The following GNB3 variants were observed in gnomAD, a reference collection of about 807,000 sequenced individuals.
GNB3 encodes the protein G protein subunit beta 3, also known as guanine nucleotide-binding protein G(I)/G(S)/G(T) subunit beta-3.
GNB3 carries 33 observed loss-of-function variants against 41.2 expected under a neutral mutation model. The observed-to-expected ratio is 0.80, with a 90% confidence interval of 0.61 to 1.07. The LOEUF is 1.07. Ranked by LOEUF, GNB3 falls within the 50% of genes least tolerant of loss-of-function variation. GNB3 has a pLI of 0.00. For synonymous variants in GNB3, 172 were observed against 173.4 expected, an observed-to-expected ratio of 0.99 and a Z score of 0.06; for missense variants, 409 against 455.3, an observed-to-expected ratio of 0.90 and a Z score of 0.92.
chr12:6,844,451 C>T (rs914674682), intron 8 of GNB3, among the ~76,000 whole-genome samples: 2 of 149,666 alleles, frequency 1.3e-5, no homozygotes, highest in Admixed American at 6.6e-5. Flanking sequence ...GACAGAGTCT[C>T]ACACTGTTGC....
rs782540328 is a variant in GNB3 at position 6,843,409 on chromosome 12, A to G, written c.314A>G (p.Tyr105Cys). ...LRSSWVMTCA[Y>C]APSGNFVACG... Reference sequence around the variant, plus strand: ...TCCTCCTGGGTCATGACCTGTGCCTATGCCCCATCAGGGAACTTTGTGGCA... The same window carrying G: ...TCCTCCTGGGTCATGACCTGTGCCTGTGCCCCATCAGGGAACTTTGTGGCA... Residue 105 changes from tyrosine to cysteine, a missense_variant, in exon 6 of 10, where the codon TAT (tyrosine) becomes TGT (cysteine). By Grantham distance (194) the Tyr-to-Cys change is radical. Transcript: ENST00000229264. The surrounding 1 kb of genome is among the most constrained non-coding windows in gnomAD (Gnocchi z 5.9). 1.2e-6 allele frequency: 2 copies of G among 1,614,138 alleles called. No individual in the cohort carries two copies. Among genetic ancestry groups the G allele is most frequent in the Admixed American group, 3.3e-5 (2 of 60,026 alleles).
chr12:6,843,660 T>C lies in GNB3; in HGVS notation c.459T>C (p.Asp153=), dbSNP rs200864177. The change falls in exon 7 of 10, where the codon GAT becomes GAC. Residue 153 remains aspartate, a synonymous_variant. Transcript: ENST00000229264. This position sits in a 1 kb window ranked among gnomAD's most constrained non-coding sequence, Gnocchi z 5.9. Reference sequence around the variant, plus strand: ...ATCTCTCCTGCTGCCGCTTCCTGGATGACAACAATATTGTGACCAGCTCGG... The same window carrying C: ...ATCTCTCCTGCTGCCGCTTCCTGGACGACAACAATATTGTGACCAGCTCGG... ...TGYLSCCRFL[D]DNNIVTSSGD... 9.3e-6 allele frequency: 15 copies of C among 1,614,212 alleles called. No individual in the cohort carries two copies. The highest frequency in any genetic ancestry group is 3.3e-5 in the South Asian group (3 of 91,086).
chr12:6,845,877 C>T (rs1323588431), intron 9 of GNB3, 75 bp downstream of exon 9: 2 of 990,306 alleles, frequency 2.0e-6, no homozygotes, highest in African/African-American at 1.6e-5. Context: ...TTCTGTACCC[C>T]CCATCAGCTC....
chr12:6,846,657 A>G (rs1398406672), intron 9 of GNB3, 135 bp from the exon 10 acceptor site: 1 of 625,820 alleles, frequency 1.6e-6, no homozygotes, highest in Non-Finnish European at 2.9e-6. Context: ...ACATGCATAC[A>G]CATGCACACA....
chr12:6,844,443 CAG>C, intron 8 of GNB3, among the ~76,000 whole-genome samples: 1 of 151,800 alleles, frequency 6.6e-6, no homozygotes, highest in Admixed American at 6.6e-5. Context: ...TTTTTGGAGA[CAG>C]AGTCTCACAC....
At position 6,845,672 on chromosome 12, in the gene GNB3, C is replaced by T. The variant is rs1555124492; in HGVS notation, c.786C>T (p.Ile262=). Residue 262 remains isoleucine (I), a synonymous_variant, in exon 9 of 10, where the codon ATC becomes ATT. Coordinates refer to ENST00000229264, the MANE Select transcript of GNB3 (RefSeq NM_002075.4). ...LFDLRADQEL[I]CFSHESIICG... is the part of the protein sequence containing the mutation. ...ACCTGCGGGCAGACCAGGAGCTGAT[C>T]TGCTTCTCCCACGAGAGCATCATCT... is the stretch of plus-strand genomic sequence containing the variant. 11 of 1,614,116 alleles carry T rather than the reference C, an allele frequency of 6.8e-6. No homozygotes were observed. Among genetic ancestry groups the T allele is most frequent in the Non-Finnish European group, 8.5e-6 (10 of 1,180,006 alleles).
At position 6,841,247 on chromosome 12, in the gene GNB3, GT is replaced by G; in HGVS notation, c.-30-9del. 1.3e-6 allele frequency: 2 copies of G among 1,580,444 alleles called. No homozygotes were observed. Among genetic ancestry groups the G allele is most frequent in the Non-Finnish European group, 1.7e-6 (2 of 1,153,674 alleles). On this transcript the variant is annotated splice_polypyrimidine_tract_variant and intron_variant, in intron 1 of 9. Coordinates refer to ENST00000229264, the MANE Select transcript of GNB3 (RefSeq NM_002075.4). ...GGGGGTTCCTCAACACCGACCCCAT[GT>G]TCCTGGCAGGAGCCAGAGTGACCCC...
intron 8 of GNB3, 53 bp from the exon 9 acceptor site, chr12:6,845,533 G>T: frequency 7.9e-7 from 1 of 1,271,828 alleles, no homozygotes; most frequent in Non-Finnish European, 1.1e-6. Context: ...GGCGGGAGAG[G>T]CTGTGGGCTG....
At position 6,843,773 on chromosome 12, in the gene GNB3, G is replaced by A. The variant is rs1943623410; in HGVS notation, c.498-4G>A. ...TCTCTAACAGTCTCCCTCCATTTTG[G>A]CAGTGCCTTGTGGGACATTGAGACT... On this transcript the variant is annotated splice_polypyrimidine_tract_variant and splice_region_variant and intron_variant, in intron 7 of 9. Coordinates refer to ENST00000229264, the MANE Select transcript of GNB3 (RefSeq NM_002075.4). This position sits in a 1 kb window ranked among gnomAD's most constrained non-coding sequence, Gnocchi z 5.9. The A allele has an allele frequency of 1.2e-6, 2 of 1,613,876 alleles. No homozygotes were observed. The highest frequency in any genetic ancestry group is 1.3e-5 in the African/African-American group (1 of 75,048).
At chr12:6,841,058 T>C in intron 1 of GNB3, 25 bp downstream of exon 1, 1 of 584,722 alleles carries the variant, frequency 1.7e-6, no homozygotes. Flanking sequence ...GCCTGGGCTC[T>C]GCTCTCCTGG....
rs1353873586 is a variant in GNB3 at position 6,841,009 on chromosome 12, C to T, written c.-55C>T. On this transcript the variant is annotated 5_prime_UTR_variant, in exon 1 of 10. Coordinates refer to ENST00000229264, the MANE Select transcript of GNB3 (RefSeq NM_002075.4). ...CTCCCAGGAACCGGAGCTGGAAACCCGGCCGAGGTCCAGCCAGAGCCCAAG... is the reference window on the plus strand; with the variant it reads ...CTCCCAGGAACCGGAGCTGGAAACCTGGCCGAGGTCCAGCCAGAGCCCAAG... The T allele has an allele frequency of 1.2e-5, 6 of 504,716 alleles. No individual in the cohort carries two copies. The highest frequency in any genetic ancestry group is 7.3e-5 in the South Asian group (3 of 41,304). 31.3% of individuals were successfully genotyped at this position (504,716 alleles called of 1,614,324 possible).
intron 8 of GNB3, among the ~76,000 whole-genome samples, chr12:6,844,329 T>A (rs782253997): frequency 6.6e-6 from 1 of 152,038 alleles, no homozygotes; most frequent in East Asian, 1.9e-4. Flanking sequence ...CTTGAACTCT[T>A]GACCTGAGGT....
intron 8 of GNB3, chr12:6,845,308 G>A (rs1334628717): frequency 2.6e-5 from 11 of 418,256 alleles, no homozygotes; most frequent in African/African-American, 6.0e-5. Context: ...CCTTCTAGCC[G>A]GGTCACTGCA....
rs1555123936 is a variant in GNB3 at position 6,843,697 on chromosome 12, T to G, written c.496T>G (p.Cys166Gly). The G allele has an allele frequency of 6.2e-7, 1 of 1,614,000 alleles. No individual in the cohort carries two copies. Among genetic ancestry groups the G allele is most frequent in the Admixed American group, 1.7e-5 (1 of 60,022 alleles). The part of the protein sequence containing the change: ...NIVTSSGDTT[C>G]ALWDIETGQQ... ...TGTGACCAGCTCGGGGGACACCACG[T>G]GGTGAGGCTGAACATTGCTGGTGCT... The change falls in exon 7 of 10, where the codon TGT becomes GGT. Residue 166 changes from cysteine (C) to glycine (G), a missense_variant and splice_region_variant. Coordinates refer to ENST00000229264, the MANE Select transcript of GNB3 (RefSeq NM_002075.4). The surrounding 1 kb of genome is among the most constrained non-coding windows in gnomAD (Gnocchi z 5.9).
rs782093627 is a variant in GNB3, at chr12:6,841,756, T to C, written c.96+132T>C. On this transcript the variant is annotated intron_variant, in intron 3 of 9. Coordinates refer to ENST00000229264, the MANE Select transcript of GNB3 (RefSeq NM_002075.4). ...GTGAGGAAACCCATTAATTAATTCA[T>C]TCGACCAACATTTTAGCGGGACCTG... 273 of 740,284 alleles carry C rather than the reference T, an allele frequency of 3.7e-4. 1 individual carries two copies. The Admixed American group carries it at 5.4e-3, about 15-fold the overall frequency. The allele number at this position is 740,284 out of a possible 1,614,324, so 45.9% of individuals were successfully genotyped here.
chr12:6,846,057 A>G, intron 9 of GNB3: 1 of 494,472 alleles, frequency 2.0e-6, no homozygotes. Context: ...TCTGTGGACC[A>G]TGACTGTCCA....
chr12:6,841,796 C>T, intron 3 of GNB3, 172 bp downstream of exon 3: 1 of 710,464 alleles, frequency 1.4e-6, no homozygotes, highest in South Asian at 1.5e-5. Context: ...GAGCCAGGCA[C>T]CATATTGGAT....
In GNB3 at chr12:6,845,743, T is replaced by C; in HGVS notation, c.857T>C (p.Phe286Ser). 6.2e-7 allele frequency: 1 copy of C among 1,614,202 alleles called. No individual in the cohort carries two copies. Among genetic ancestry groups the C allele is most frequent in the Non-Finnish European group, 8.5e-7 (1 of 1,180,030 alleles). Residue 286 changes from phenylalanine (F) to serine (S), a missense_variant, in exon 9 of 10, where the codon TTC (phenylalanine) becomes TCC (serine). Physicochemically the swap from Phe to Ser is radical, Grantham distance 155 (BLOSUM62 -2). Coordinates refer to ENST00000229264, the MANE Select transcript of GNB3 (RefSeq NM_002075.4). ...VAFSLSGRLL[F>S]AGYDDFNCNV... is the part of the protein sequence containing the mutation. ...TTCTCCCTCAGTGGCCGCCTACTATTCGCTGGCTACGACGACTTCAACTGC... is the reference window on the plus strand; with the variant it reads ...TTCTCCCTCAGTGGCCGCCTACTATCCGCTGGCTACGACGACTTCAACTGC...
rs1188893047 is a variant in GNB3 at position 6,845,527 on chromosome 12, G to A, written c.700-59G>A. On this transcript the variant is annotated intron_variant, in intron 8 of 9. Coordinates refer to ENST00000229264, the MANE Select transcript of GNB3 (RefSeq NM_002075.4). ...GCTGTCAGGTGGGAGGCAGAGGGCG[G>A]GAGAGGCTGTGGGCTGCCCAGGTCT... The A allele has an allele frequency of 1.6e-5, 19 of 1,198,542 alleles. No individual in the cohort carries two copies. The Admixed American group carries it at 3.1e-4, about 20-fold the overall frequency. The allele number at this position is 1,198,542 out of a possible 1,614,324, so 74.2% of individuals were successfully genotyped here. A position where few individuals can be genotyped will look rare whatever the true frequency, so the allele number is the denominator to read the frequency against.
Sources: allele counts gnomAD v4.1 joint callset (sites outside exome capture counted in the v4.1 genomes callset), GRCh38; gene constraint gnomAD v4.1.1; non-coding constraint Gnocchi (gnomAD v3.1); transcripts MANE v1.5; gene names NCBI Gene and HGNC (gene_info 2026-07-23, HGNC 2026-07-21).